Variants in IL16 observed in about 807,000 individuals in gnomAD.
The protein encoded by IL16 is interleukin 16, also known as pro-interleukin-16.
A neutral mutation model predicts 110.1 loss-of-function variants in IL16; 67 were observed. The observed-to-expected ratio is 0.61, with a 90% CI of 0.50 to 0.75. IL16 has a LOEUF of 0.75. Ranked by LOEUF, IL16 falls within the 30% of genes least tolerant of loss-of-function variation. IL16 has a pLI of 0.00. For synonymous variants in IL16, 689 were observed against 662.9 expected (o/e 1.04, Z -0.61); for missense variants, 1,545 against 1,655.0 (o/e 0.93, Z 1.15).
Position 81,306,443 on chromosome 15 carries a change from G to A in IL16, c.3703G>A (p.Val1235Met), listed in dbSNP as rs768451668. 1.9e-6 allele frequency: 3 copies of A among 1,614,012 alleles called. No individual in the cohort carries two copies. Among genetic ancestry groups the A allele is most frequent in the African/African-American group, 1.3e-5 (1 of 74,944 alleles). Residue 1235 changes from valine (V) to methionine (M), a missense_variant, in exon 18 of 19, where the codon GTG (valine) becomes ATG (methionine). Val to Met is a conservative substitution (Grantham distance 21). Transcript: ENST00000683961. ...AGCAGCAGAGGCCACAGTCTGCACG[G>A]TGACACTGGAGAAGATGTCGGCAGG... Reference protein sequence around the residue: ...ESTAEATVCTVTLEKMSAGLG... With the variant: ...ESTAEATVCTMTLEKMSAGLG...
chr15:81,196,693 G>T (rs1035000950), upstream of IL16, among the ~76,000 whole-genome samples: 1 of 152,344 alleles, frequency 6.6e-6, no homozygotes, highest in Non-Finnish European at 1.5e-5. Context: ...ACCTCACTGT[G>T]GTTCTGTGGC....
intron 12 of IL16, among the ~76,000 whole-genome samples, chr15:81,294,037 C>A (rs1357414836): frequency 1.3e-5 from 2 of 152,202 alleles, no homozygotes; most frequent in African/African-American, 4.8e-5. Flanking sequence ...CCTGCAGGGG[C>A]CCTGGCCCTT....
rs1450145661 is a variant in IL16 at position 81,310,614 on chromosome 15, G to T, written c.*1816G>T. On this transcript the variant is annotated 3_prime_UTR_variant, in exon 19 of 19. Coordinates refer to ENST00000683961, the MANE Select transcript of IL16 (RefSeq NM_172217.5). ...TTCAACACTCCCTTCCCATGACCCA[G>T]GCTGGGCAAGGAGGCCACGTGATGT... The T allele has an allele frequency of 6.6e-6, 1 of 152,198 alleles. No homozygotes were observed. Among genetic ancestry groups the T allele is most frequent in the Non-Finnish European group, 1.5e-5 (1 of 68,052 alleles). 9.4% of individuals were successfully genotyped at this position (152,198 alleles called of 1,614,324 possible).
At chr15:81,292,249 G>T in intron 11 of IL16, 2 of 424,890 alleles carry the variant, frequency 4.7e-6, no homozygotes, top group Non-Finnish European at 8.9e-6. Context: ...ACAGCTGAAA[G>T]TAGTCTGCCA....
chr15:81,283,713 A>G (rs1159493803), intron 9 of IL16, among the ~76,000 whole-genome samples: 1 of 152,214 alleles, frequency 6.6e-6, no homozygotes, highest in Non-Finnish European at 1.5e-5. Flanking sequence ...TTAATGACAA[A>G]AATATTAGTA....
At chr15:81,214,153 G>A (rs1896344831) in intron 1 of IL16, among the ~76,000 whole-genome samples, 2 of 152,132 alleles carry the variant, frequency 1.3e-5, no homozygotes, top group African/African-American at 4.8e-5. Context: ...GCATTTGCTT[G>A]CCTGAGAAGG....
At chr15:81,291,773 G>A (rs139647111) in intron 11 of IL16, among the ~76,000 whole-genome samples, 90 of 152,272 alleles carry the variant, frequency 5.9e-4, no homozygotes, top group Middle Eastern at 3.4e-3. Context: ...AAGAAATAGC[G>A]GCTTTCTGCC....
chr15:81,271,242 C>A (rs1285891756), intron 5 of IL16, among the ~76,000 whole-genome samples: 1 of 151,112 alleles, frequency 6.6e-6, no homozygotes, highest in Non-Finnish European at 1.5e-5. Context: ...CATAGTAAGA[C>A]CCTGTCTCTA....
At chr15:81,306,934 AC>A (rs999432847) in intron 18 of IL16, 85 of 312,090 alleles carry the variant, frequency 2.7e-4, no homozygotes, top group African/African-American at 1.7e-3. Context: ...TTTTAAAAAA[AC>A]ATGTTGGACA....
At chr15:81,231,309 AC>A (rs986050827) in intron 2 of IL16, among the ~76,000 whole-genome samples, 4 of 120,566 alleles carry the variant, frequency 3.3e-5, no homozygotes, top group Admixed American at 8.8e-5. Flanking sequence ...GGGGAGATCT[AC>A]CCAAGGTCGG....
chr15:81,225,550 C>T lies in IL16; in HGVS notation c.151C>T (p.Gln51Ter). 6.2e-7 allele frequency: 1 copy of T among 1,614,072 alleles called. No individual in the cohort carries two copies. Among genetic ancestry groups the T allele is most frequent in the Middle Eastern group, 1.6e-4 (1 of 6,062 alleles). Reference protein sequence around the residue: ...YPDPFEISLAQGKEGIFHSSV... With the variant: ...YPDPFEISLA The stretch of plus-strand genomic sequence containing the variant: ...TGATCCCTTTGAGATTTCCTTGGCC[C>T]AGGGCAAGGAGGGAATTTTCCACTC... Residue 51 changes from glutamine to a stop codon, truncating the protein, a stop_gained, in exon 2 of 19, where the codon CAG (glutamine) becomes TAG (stop). Transcript: ENST00000683961. LOFTEE classifies it high-confidence loss of function.
chr15:81,189,929 G>A (rs1011062043), intron 1 of IL16, among the ~76,000 whole-genome samples: 8 of 152,208 alleles, frequency 5.3e-5, no homozygotes, highest in African/African-American at 7.2e-5. Context: ...AGGAAGCGGC[G>A]TTCCTCAGAT....
intron 3 of IL16, among the ~76,000 whole-genome samples, 167 bp from the exon 4 acceptor site, chr15:81,265,492 T>C (rs1016156031): frequency 2.0e-5 from 3 of 152,168 alleles, no homozygotes; most frequent in African/African-American, 7.2e-5. Context: ...ACAATGCTGC[T>C]CATGTCTTCC....
intron 10 of IL16, among the ~76,000 whole-genome samples, chr15:81,288,735 T>C (rs1006486218): frequency 3.3e-5 from 5 of 152,192 alleles, no homozygotes; most frequent in African/African-American, 1.2e-4. Flanking sequence ...TCTGCCTTAT[T>C]TGACTTCGCG....
chr15:81,191,855 G>C (rs566343490), intron 1 of IL16, among the ~76,000 whole-genome samples: 1 of 152,300 alleles, frequency 6.6e-6, no homozygotes, highest in South Asian at 2.1e-4. Context: ...GGGATGCAGC[G>C]AGCAGGAGAG....
intron 2 of IL16, among the ~76,000 whole-genome samples, chr15:81,237,511 C>A (rs1223346192): frequency 6.6e-6 from 1 of 152,086 alleles, no homozygotes; most frequent in Non-Finnish European, 1.5e-5. Context: ...AAGATGTATA[C>A]ACACTCTAAA....
rs1432727571 is a variant in IL16 at position 81,265,279 on chromosome 15, T to G, written c.422-380T>G. Among the ~76,000 whole-genome samples, 3 of 152,274 alleles carry G rather than the reference T, an allele frequency of 2.0e-5. No homozygotes were observed. The East Asian group carries it at 5.8e-4, about 29-fold the overall frequency. On this transcript the variant is annotated intron_variant, in intron 3 of 18. Transcript: ENST00000683961. Reference sequence around the variant, plus strand: ...GTTTGTGCTTGTCCTCGGAAACCTTTGTGTTTTCCTCCTTTCTCTCCTTGG... The same window carrying G: ...GTTTGTGCTTGTCCTCGGAAACCTTGGTGTTTTCCTCCTTTCTCTCCTTGG...
In IL16 at chr15:81,232,296, G is replaced by A. The variant is rs76924621; in HGVS notation, c.312+6585G>A. 3.7e-3 allele frequency among the ~76,000 whole-genome samples: 562 copies of A among 151,864 alleles called. 4 individuals are homozygous for A. Among genetic ancestry groups the A allele is most frequent in the African/African-American group, 0.013 (535 of 41,442 alleles). On this transcript the variant is annotated intron_variant, in intron 2 of 18. Coordinates refer to ENST00000683961, the MANE Select transcript of IL16 (RefSeq NM_172217.5). ...CGTTACCTACCATTTCTGAATAAGC[G>A]GAGCTCTATTTCTCCCCTTCCAATT... is the stretch of plus-strand genomic sequence containing the variant.
intron 16 of IL16, among the ~76,000 whole-genome samples, chr15:81,305,582 C>T (rs756442993): frequency 6.6e-6 from 1 of 152,158 alleles, no homozygotes; most frequent in Non-Finnish European, 1.5e-5. Context: ...GAGAAAACTA[C>T]TCTGGGGACT....
Sources: gnomAD v4.1 joint callset for allele counts (sites outside exome capture counted in the v4.1 genomes callset) on GRCh38, gnomAD v4.1.1 for gene constraint, MANE v1.5 for transcripts, NCBI Gene and HGNC (gene_info 2026-07-23, HGNC 2026-07-21) for gene names.